MBOAT2: variants seen among roughly 807,000 people sequenced by gnomAD.
The protein encoded by MBOAT2 is membrane-bound glycerophospholipid O-acyltransferase 2.
In MBOAT2, 28 loss-of-function variants were observed where a neutral mutation model predicts 63.4. That is an observed-to-expected ratio of 0.44 (90% confidence interval 0.33 to 0.61). The LOEUF is 0.61. MBOAT2 is among the 20% of genes least tolerant of loss of function. MBOAT2 has a pLI of 0.03. For missense variants in MBOAT2, 470 were observed against 605.8 expected (o/e 0.78, Z 2.35); for synonymous variants, 211 against 215.6 (o/e 0.98, Z 0.19).
chr2:9,000,371 GATAA>G (rs1672598300), intron 1 of MBOAT2, among the ~76,000 whole-genome samples: 2 of 152,044 alleles, frequency 1.3e-5, no homozygotes, highest in Non-Finnish European at 2.9e-5. Context: ...TAAAATAATG[GATAA>G]ATGACTTTAG....
intron 1 of MBOAT2, among the ~76,000 whole-genome samples, chr2:8,995,749 C>A: frequency 6.6e-6 from 1 of 152,118 alleles, no homozygotes; most frequent in African/African-American, 2.4e-5. Flanking sequence ...CGCCACCATG[C>A]CCGGCCTAAT....
At chr2:8,982,130 G>A (rs1346831273) in intron 1 of MBOAT2, among the ~76,000 whole-genome samples, 2 of 152,080 alleles carry the variant, frequency 1.3e-5, no homozygotes, top group Non-Finnish European at 2.9e-5. Context: ...CCATGGCAGG[G>A]TCTCAATACA....
chr2:8,933,488 T>C (rs1250005884), intron 3 of MBOAT2, among the ~76,000 whole-genome samples: 5 of 152,114 alleles, frequency 3.3e-5, no homozygotes, highest in African/African-American at 1.2e-4. Context: ...TGACTACAGG[T>C]ATATCACCAA....
intron 1 of MBOAT2, among the ~76,000 whole-genome samples, chr2:8,975,485 T>C (rs1481667553): frequency 6.6e-6 from 1 of 152,034 alleles, no homozygotes. Context: ...TTTCATTCAC[T>C]GAAAGGAAAA....
intron 2 of MBOAT2, among the ~76,000 whole-genome samples, chr2:8,956,335 G>A (rs1049430849): frequency 1.1e-4 from 16 of 152,146 alleles, no homozygotes; most frequent in Admixed American, 7.2e-4. Context: ...TAAACAATCC[G>A]TCTTTCCAAA....
chr2:9,003,467 C>G lies in MBOAT2; in HGVS notation c.75+73G>C, dbSNP rs1035974862. 1 of 1,036,302 alleles carries G rather than the reference C, an allele frequency of 9.6e-7. No homozygotes were observed. The highest frequency in any genetic ancestry group is 1.2e-6 in the Non-Finnish European group (1 of 833,606). The allele number at this position is 1,036,302 out of a possible 1,614,324, so 64.2% of individuals were successfully genotyped here. A position where few individuals can be genotyped will look rare whatever the true frequency, so the allele number is the denominator to read the frequency against. On this transcript the variant is annotated intron_variant, in intron 1 of 12. Transcript: ENST00000305997. This position sits in a 1 kb window ranked among gnomAD's most constrained non-coding sequence, Gnocchi z 5.4. ...CCAGCCCCCACCCTCCTCCCGGGCC[C>G]CCGGTCGGGTGGCACCGCGGCGGGG...
chr2:8,903,476 ATT>A (rs369501565), intron 4 of MBOAT2, among the ~76,000 whole-genome samples: 18 of 148,766 alleles, frequency 1.2e-4, no homozygotes, highest in African/African-American at 4.2e-4. Flanking sequence ...TTTCACATAG[ATT>A]TTTTTTTTTG....
chr2:8,995,217 T>A (rs1672197768), intron 1 of MBOAT2, among the ~76,000 whole-genome samples: 1 of 152,046 alleles, frequency 6.6e-6, no homozygotes, highest in African/African-American at 2.4e-5. Context: ...TCTCAATCAA[T>A]CAATCAATAC....
chr2:8,986,498 G>C (rs1671578025), intron 1 of MBOAT2, among the ~76,000 whole-genome samples: 1 of 152,058 alleles, frequency 6.6e-6, no homozygotes, highest in Non-Finnish European at 1.5e-5. Flanking sequence ...AAGAGGTCAA[G>C]TCTGCAGTGA....
intron 1 of MBOAT2, among the ~76,000 whole-genome samples, chr2:8,971,348 G>A (rs1670439292): frequency 1.3e-5 from 2 of 152,084 alleles, no homozygotes; most frequent in Non-Finnish European, 2.9e-5. Flanking sequence ...AATAAATTAG[G>A]TACTGATGGG....
rs115777468 is a variant in MBOAT2, at chr2:8,863,331, A to T, written c.1053-609T>A. ...GATAAAGATGTTTAATTTGTCATTTAAAAAAGGACACTATAAAAAAAGGCT... is the reference window on the plus strand; with the variant it reads ...GATAAAGATGTTTAATTTGTCATTTTAAAAAGGACACTATAAAAAAAGGCT... On this transcript the variant is annotated intron_variant, in intron 10 of 12. Transcript: ENST00000305997. 5.1e-3 allele frequency among the ~76,000 whole-genome samples: 776 copies of T among 152,316 alleles called. 9 individuals carry two copies. Among genetic ancestry groups the T allele is most frequent in the African/African-American group, 0.018 (750 of 41,576 alleles).
At chr2:8,954,362 G>A (rs1341676928) in intron 2 of MBOAT2, among the ~76,000 whole-genome samples, 1 of 152,144 alleles carries the variant, frequency 6.6e-6, no homozygotes, top group Non-Finnish European at 1.5e-5. Flanking sequence ...GGTTTGTGGA[G>A]TATATAGTGG....
intron 1 of MBOAT2, among the ~76,000 whole-genome samples, chr2:8,994,310 T>G (rs899491601): frequency 1.3e-5 from 2 of 152,168 alleles, no homozygotes; most frequent in Admixed American, 6.5e-5. Context: ...ATGGGACTGT[T>G]CGGAGGGCCC....
At chr2:8,982,828 C>T (rs370902893) in intron 1 of MBOAT2, among the ~76,000 whole-genome samples, 10 of 152,172 alleles carry the variant, frequency 6.6e-5, no homozygotes, top group African/African-American at 2.4e-4. Flanking sequence ...GGACCTGTTC[C>T]TTCCTCATCA....
intron 2 of MBOAT2, among the ~76,000 whole-genome samples, chr2:8,952,405 G>T (rs1348366336): frequency 6.6e-6 from 1 of 152,204 alleles, no homozygotes; most frequent in African/African-American, 2.4e-5. Context: ...TGGCTGATGG[G>T]TGGAGTATTC....
In MBOAT2 at chr2:8,858,505, G is replaced by T; in HGVS notation, c.*174C>A. 1 of 561,606 alleles carries T rather than the reference G, an allele frequency of 1.8e-6. No individual in the cohort carries two copies. The highest frequency in any genetic ancestry group is 2.6e-5 in the South Asian group (1 of 37,834). The allele number at this position is 561,606 out of a possible 1,614,324, so 34.8% of individuals were successfully genotyped here. ...GGCGTGGCCCACGGAGACATGGCAT[G>T]GGAGGGCTTGTTTCACTCCATTTCC... On this transcript the variant is annotated 3_prime_UTR_variant, in exon 13 of 13. Coordinates refer to ENST00000305997, the MANE Select transcript of MBOAT2 (RefSeq NM_138799.4).
rs75220419 is a variant in MBOAT2 at position 8,866,761 on chromosome 2, T to C, written c.987+1685A>G. The stretch of plus-strand genomic sequence containing the variant: ...GTAACAGCTTGGGTCATATGTCCCA[T>C]AGAACTTCTCACTTTTGATCTGATC... On this transcript the variant is annotated intron_variant, in intron 9 of 12. Coordinates refer to ENST00000305997, the MANE Select transcript of MBOAT2 (RefSeq NM_138799.4). 6.0e-3 allele frequency among the ~76,000 whole-genome samples: 917 copies of C among 152,360 alleles called. 4 individuals carry two copies. The highest frequency in any genetic ancestry group is 0.01 in the Middle Eastern group (3 of 294).
At chr2:8,951,728 A>C (rs1051440743) in intron 2 of MBOAT2, among the ~76,000 whole-genome samples, 1 of 152,198 alleles carries the variant, frequency 6.6e-6, no homozygotes, top group Non-Finnish European at 1.5e-5. Context: ...AGAGATGTTT[A>C]TAATAGTCTC....
intron 3 of MBOAT2, among the ~76,000 whole-genome samples, chr2:8,926,376 T>C (rs531161896): frequency 2.0e-5 from 3 of 152,286 alleles, no homozygotes; most frequent in African/African-American, 7.2e-5. Context: ...CAAAGTAAAG[T>C]ACGACTCTAG....
Sources: allele counts gnomAD v4.1 joint callset (sites outside exome capture counted in the v4.1 genomes callset), GRCh38; gene constraint gnomAD v4.1.1; non-coding constraint Gnocchi (gnomAD v3.1); transcripts MANE v1.5; gene names NCBI Gene and HGNC (gene_info 2026-07-23, HGNC 2026-07-21).